AGBL5: variants seen among roughly 807,000 people sequenced by gnomAD.
AGBL5 encodes AGBL carboxypeptidase 5.
In AGBL5, 51 loss-of-function variants were observed where a neutral mutation model predicts 88.0. The observed-to-expected ratio is 0.58, with a 90% CI of 0.46 to 0.73. AGBL5 has a LOEUF of 0.73. AGBL5 is among the 30% of genes least tolerant of loss of function. The pLI is 0.00. For synonymous variants in AGBL5, 446 were observed against 438.8 expected (o/e 1.02, Z -0.21); for missense variants, 1,031 against 1,162.2 (o/e 0.89, Z 1.64).
At position 27,067,474 on chromosome 2, in the gene AGBL5, C is replaced by CAAA; in HGVS notation, c.2090-20_2090-19insAAA. The CAAA allele has an allele frequency of 6.2e-7, 1 of 1,611,680 alleles. No homozygotes were observed. Among genetic ancestry groups the CAAA allele is most frequent in the Non-Finnish European group, 8.5e-7 (1 of 1,178,130 alleles). ...CCCCACTTATTTGCCCTTTTATCTG[C>CAAA]TTGTATCTCTTCCACTCAGAGCCCC... On this transcript the variant is annotated intron_variant, in intron 11 of 14. Coordinates refer to ENST00000360131, the MANE Select transcript of AGBL5 (RefSeq NM_021831.6).
In AGBL5 at chr2:27,053,230, C is replaced by T; in HGVS notation, c.215+57C>T. 1 of 1,536,302 alleles carries T rather than the reference C, an allele frequency of 6.5e-7. No homozygotes were observed. The highest frequency in any genetic ancestry group is 1.3e-5 in the South Asian group (1 of 79,468). On this transcript the variant is annotated intron_variant, in intron 2 of 14. Coordinates refer to ENST00000360131, the MANE Select transcript of AGBL5 (RefSeq NM_021831.6). The surrounding 1 kb of genome is among the most constrained non-coding windows in gnomAD (Gnocchi z 4.9). ...GCTCCAAACCCATGCTTCAGTTAGC[C>T]CTCTGACTTATCTGTTCATACCCAG...
At chr2:27,050,751 G>A (rs975765254), upstream of AGBL5, among the ~76,000 whole-genome samples, 3 of 152,178 alleles carry the variant, frequency 2.0e-5, no homozygotes, top group African/African-American at 7.2e-5. Flanking sequence ...AAGCATTAGA[G>A]GGCTATCAGC....
rs1451546253 is a variant in AGBL5, at chr2:27,070,144, A to G, written c.2542A>G (p.Ile848Val). ...RPRSAPAFSP[I>V]SCSLSDSPSW... ...CCGCTCTGCCCCTGCCTTTTCTCCT[A>G]TATCCTGTAGTCTATCTGACTCCCC... The change falls in exon 15 of 15, where the codon ATA (isoleucine) becomes GTA (valine). Residue 848 changes from isoleucine (I) to valine (V), a missense_variant. By Grantham distance (29) the Ile-to-Val change is conservative (BLOSUM62 3). Around this residue, in one of 2 missense-constraint regions of AGBL5, gnomAD observed 491 missense variants for 484.0 expected, o/e 1.01. Coordinates refer to ENST00000360131, the MANE Select transcript of AGBL5 (RefSeq NM_021831.6). The G allele has an allele frequency of 2.5e-6, 4 of 1,614,058 alleles. No homozygotes were observed. Among genetic ancestry groups the G allele is most frequent in the Admixed American group, 3.3e-5 (2 of 60,000 alleles).
intron 4 of AGBL5, chr2:27,054,305 A>G (rs1668321075): frequency 1.8e-6 from 1 of 556,334 alleles, no homozygotes; most frequent in Non-Finnish European, 3.1e-6. Flanking sequence ...CCCAGCTCCC[A>G]TTAATTATCC....
rs772756784 is a variant in AGBL5 at position 27,059,384 on chromosome 2, G to A, written c.2069G>A (p.Arg690Gln). The stretch of plus-strand genomic sequence containing the variant: ...TCTAGTACCCAAAAGGTCACCCACC[G>A]GGTGCTGGGCCCCGTCAGAGGTAAG... ...LGSSTQKVTHRVLGPVREPRS... is the reference protein window; with the variant it reads ...LGSSTQKVTHQVLGPVREPRS... The change falls in exon 11 of 15, where the codon CGG becomes CAG. Residue 690 changes from arginine to glutamine, a missense_variant. This residue lies in a region of AGBL5 where 491 missense variants were observed against 484.0 expected (regional missense o/e 1.01). Transcript: ENST00000360131. 3.3e-5 allele frequency: 54 copies of A among 1,614,212 alleles called. No individual in the cohort carries two copies. The highest frequency in any genetic ancestry group is 3.3e-4 in the Middle Eastern group (2 of 6,062).
At chr2:27,059,502 A>AG (rs1182962727) in intron 11 of AGBL5, 98 bp downstream of exon 11, 1 of 1,566,648 alleles carries the variant, frequency 6.4e-7, no homozygotes, top group Non-Finnish European at 8.6e-7. Flanking sequence ...CCCAGGACCA[A>AG]GGGGTGAATC....
Position 27,054,756 on chromosome 2 carries a change from G to C in AGBL5, c.678G>C (p.Gln226His), listed in dbSNP as rs1487458202. Residue 226 changes from glutamine (Q) to histidine (H), a missense_variant, in exon 5 of 15, where the codon CAG (glutamine) becomes CAC (histidine). Gln to His is a conservative substitution (Grantham distance 24, BLOSUM62 0). This residue lies in a region of AGBL5 where 540 missense variants were observed against 678.2 expected (regional missense o/e 0.80). Transcript: ENST00000360131. ...LREDREPRLEQLFPDTSTPRP... is the reference protein window; with the variant it reads ...LREDREPRLEHLFPDTSTPRP... ...AAGATCGAGAGCCCCGTCTAGAGCA[G>C]CTATTTCCTGATACCAGCACCCCTC... 6.2e-7 allele frequency: 1 copy of C among 1,613,850 alleles called. No homozygotes were observed. The highest frequency in any genetic ancestry group is 2.2e-5 in the East Asian group (1 of 44,888).
rs372595346 is a variant in AGBL5 at position 27,058,468 on chromosome 2, G to A, written c.1740G>A (p.Leu580=). The A allele has an allele frequency of 1.9e-6, 3 of 1,613,990 alleles. No homozygotes were observed. In the African/African-American group the frequency reaches 4.0e-5, roughly 22 times the overall value. ...GTAATCCGTGGCCCCGAATTGTACT[G>A]TCAGAGCACAGCAGCCTTACTAATC... ...AECNPWPRIV[L]SEHSSLTNLR... is the part of the protein sequence containing the mutation. Residue 580 remains leucine, a synonymous_variant, in exon 10 of 15, where the codon CTG becomes CTA. Transcript: ENST00000360131.
intron 11 of AGBL5, among the ~76,000 whole-genome samples, chr2:27,064,835 T>C (rs1668906846): frequency 7.2e-6 from 1 of 138,228 alleles, no homozygotes; most frequent in Admixed American, 8.0e-5. Flanking sequence ...CTCACTGCAA[T>C]CTCCGCTTCC....
chr2:27,063,080 GAT>G (rs1491466444), intron 11 of AGBL5, among the ~76,000 whole-genome samples: 2 of 152,220 alleles, frequency 1.3e-5, no homozygotes, highest in Non-Finnish European at 2.9e-5. Flanking sequence ...GGAAAAGAGA[GAT>G]AAGTATTAGA....
rs1220719389 is a variant in AGBL5, at chr2:27,055,735, T to C, written c.962T>C (p.Val321Ala). The change falls in exon 7 of 15, where the codon GTC becomes GCC. Residue 321 changes from valine (V) to alanine (A), a missense_variant. By Grantham distance (64) the Val-to-Ala change is moderately conservative (BLOSUM62 0). Transcript: ENST00000360131. ...LNRQYLKPDA[V>A]LHPAIYGAKA... is the part of the protein sequence containing the mutation. Reference sequence around the variant, plus strand: ...CGTCAGTACCTGAAGCCTGATGCCGTCCTGCACCCGGCCATCTATGGGGCC... The same window carrying C: ...CGTCAGTACCTGAAGCCTGATGCCGCCCTGCACCCGGCCATCTATGGGGCC... 2 of 1,614,124 alleles carry C rather than the reference T, an allele frequency of 1.2e-6. No individual in the cohort carries two copies. The highest frequency in any genetic ancestry group is 1.7e-6 in the Non-Finnish European group (2 of 1,180,016).
In AGBL5 at chr2:27,052,902, T is replaced by A; in HGVS notation, c.-46-11T>A. 6.8e-7 allele frequency: 1 copy of A among 1,463,082 alleles called. No individual in the cohort carries two copies. The highest frequency in any genetic ancestry group is 2.4e-5 in the Admixed American group (1 of 42,196). 90.6% of individuals were successfully genotyped at this position (1,463,082 alleles called of 1,614,324 possible). On this transcript the variant is annotated splice_polypyrimidine_tract_variant and intron_variant, in intron 1 of 14. Transcript: ENST00000360131. ...CCTTTCCTCCTTAACCTAACCCTTG[T>A]TTTCCCCCAGCTCTCAGGGCCAGAG...
At chr2:27,061,360 C>T (rs1338680838) in intron 11 of AGBL5, among the ~76,000 whole-genome samples, 1 of 151,894 alleles carries the variant, frequency 6.6e-6, no homozygotes, top group African/African-American at 2.4e-5. Context: ...CCTCAGCCTC[C>T]GGAATAGCTG....
chr2:27,065,756 A>C (rs912927417), intron 11 of AGBL5, among the ~76,000 whole-genome samples: 9 of 152,212 alleles, frequency 5.9e-5, no homozygotes, highest in African/African-American at 2.2e-4. Flanking sequence ...TTCAAGTAAG[A>C]GAGGTAACAT....
Position 27,053,421 on chromosome 2 carries a change from G to A in AGBL5, c.235G>A (p.Val79Ile), listed in dbSNP as rs768584654. 40 of 1,613,862 alleles carry A rather than the reference G, an allele frequency of 2.5e-5. 1 individual carries two copies. Among genetic ancestry groups the A allele is most frequent in the South Asian group, 8.8e-5 (8 of 91,088 alleles). The change falls in exon 3 of 15, where the codon GTC becomes ATC. Residue 79 changes from valine (V) to isoleucine (I), a missense_variant. This residue lies in a region of AGBL5 where 540 missense variants were observed against 678.2 expected (regional missense o/e 0.80). Transcript: ENST00000360131. This position sits in a 1 kb window ranked among gnomAD's most constrained non-coding sequence, Gnocchi z 4.9. ...CCTCAGGTCATGGTTCTACTTCAGC[G>A]TCCGGGGAGGAATGCCAGGAAAACT... ...NGNRSWFYFS[V>I]RGGMPGKLIK...
At chr2:27,067,098 A>C (rs116176426) in intron 11 of AGBL5, among the ~76,000 whole-genome samples, 1,621 of 152,014 alleles carry the variant, frequency 0.011, 17 homozygotes, top group Non-Finnish European at 0.016. Flanking sequence ...CAAAACAAAA[A>C]AAAAATTAGC....
At position 27,056,798 on chromosome 2, in the gene AGBL5, G is replaced by A. The variant is rs1293070697; in HGVS notation, c.1535+6G>A. On this transcript the variant is annotated splice_donor_region_variant and intron_variant, in intron 8 of 14. Coordinates refer to ENST00000360131, the MANE Select transcript of AGBL5 (RefSeq NM_021831.6). The stretch of plus-strand genomic sequence containing the variant: ...GCCTCAGGGATAATCCACAGGTTGG[G>A]TGGAAGCTGAGATATAGTTGATGAA... 1 of 1,594,800 alleles carries A rather than the reference G, an allele frequency of 6.3e-7. No individual in the cohort carries two copies. The highest frequency in any genetic ancestry group is 2.3e-5 in the East Asian group (1 of 44,246).
intron 11 of AGBL5, among the ~76,000 whole-genome samples, chr2:27,063,319 G>A (rs994642138): frequency 3.9e-5 from 6 of 152,174 alleles, no homozygotes; most frequent in South Asian, 2.1e-4. Flanking sequence ...TCGGCCGGGC[G>A]TGGTGGCTCA....
At chr2:27,057,540 T>C in intron 9 of AGBL5, 102 bp downstream of exon 9, 1 of 1,330,928 alleles carries the variant, frequency 7.5e-7, no homozygotes, top group Non-Finnish European at 1.0e-6. Context: ...GAGATATTCA[T>C]CACTATGGCC....
Sources: allele counts gnomAD v4.1 joint callset (sites outside exome capture counted in the v4.1 genomes callset), GRCh38; gene constraint gnomAD v4.1.1; regional missense constraint gnomAD v4.1.1; non-coding constraint Gnocchi (gnomAD v3.1); transcripts MANE v1.5; gene names NCBI Gene and HGNC (gene_info 2026-07-23, HGNC 2026-07-21).